DNAJC5: variants seen among roughly 807,000 people sequenced by gnomAD.
DNAJC5 encodes the protein DnaJ heat shock protein family (Hsp40) member C5.
A neutral mutation model predicts 23.2 loss-of-function variants in DNAJC5; 1 was observed. The observed-to-expected ratio is 0.04, with a 90% CI of 0.02 to 0.20. DNAJC5 has a LOEUF of 0.20. Ranked by LOEUF, DNAJC5 falls within the 10% of genes least tolerant of loss-of-function variation. DNAJC5 has a pLI of 1.00. For missense variants in DNAJC5, 180 were observed against 267.0 expected, an observed-to-expected ratio of 0.67 and a Z score of 2.27; for synonymous variants, 136 against 120.0, an observed-to-expected ratio of 1.13 and a Z score of -0.87.
chr20:63,907,567 C>T (rs1326530623), intron 1 of DNAJC5, among the ~76,000 whole-genome samples: 4 of 152,160 alleles, frequency 2.6e-5, no homozygotes, highest in Admixed American at 6.6e-5. Flanking sequence ...TACCCTCCCA[C>T]CCCCTGACCA....
At chr20:63,908,645 C>T (rs2053462428) in intron 1 of DNAJC5, among the ~76,000 whole-genome samples, 1 of 152,154 alleles carries the variant, frequency 6.6e-6, no homozygotes, top group African/African-American at 2.4e-5. Flanking sequence ...TTATTATATC[C>T]AGATAAAGTT....
intron 1 of DNAJC5, among the ~76,000 whole-genome samples, chr20:63,925,984 C>T (rs1185524748): frequency 6.6e-6 from 1 of 152,000 alleles, no homozygotes; most frequent in Non-Finnish European, 1.5e-5. Flanking sequence ...CCTGCCACCA[C>T]TTCCGGCTAA....
In DNAJC5 at chr20:63,931,704, G is replaced by A. The variant is rs572104922; in HGVS notation, c.*136G>A. The A allele has an allele frequency of 4.7e-6, 4 of 849,764 alleles. No individual in the cohort carries two copies. The highest frequency in any genetic ancestry group is 1.4e-5 in the South Asian group (1 of 69,732). 52.6% of individuals were successfully genotyped at this position (849,764 alleles called of 1,614,324 possible). On this transcript the variant is annotated 3_prime_UTR_variant, in exon 5 of 5. Transcript: ENST00000360864. The surrounding 1 kb of genome is among the most constrained non-coding windows in gnomAD (Gnocchi z 9.6). ...TTGCTGGGGCCCCTCCTGCCTCCAC[G>A]CCCACCCAGCGTCGACCCTTGACCC...
rs190107451 is a variant in DNAJC5, at chr20:63,929,042, G to A, written c.108-270G>A. 1.3e-5 allele frequency among the ~76,000 whole-genome samples: 2 copies of A among 152,364 alleles called. No individual in the cohort carries two copies. Among genetic ancestry groups the A allele is most frequent in the African/African-American group, 2.4e-5 (1 of 41,592 alleles). On this transcript the variant is annotated intron_variant, in intron 2 of 4. Transcript: ENST00000360864. The surrounding 1 kb of genome is among the most constrained non-coding windows in gnomAD (Gnocchi z 8.6). ...GGCTGGGACACCAGGGCTGGCCTTG[G>A]TGCCGCTGAACTTAGATGTGCCGTG...
rs2053683931 is a variant in DNAJC5, at chr20:63,932,741, C to G, written c.*1173C>G. 1 of 151,346 alleles carries G rather than the reference C, an allele frequency of 6.6e-6. No homozygotes were observed. The highest frequency in any genetic ancestry group is 1.5e-5 in the Non-Finnish European group (1 of 68,060). 9.4% of individuals were successfully genotyped at this position (151,346 alleles called of 1,614,324 possible). On this transcript the variant is annotated 3_prime_UTR_variant, in exon 5 of 5. Coordinates refer to ENST00000360864, the MANE Select transcript of DNAJC5 (RefSeq NM_025219.3). The surrounding 1 kb of genome is among the most constrained non-coding windows in gnomAD (Gnocchi z 4.4). ...CCTCTGGCTCAGGAGGGTTGGGTCC[C>G]TGGGAGGCCGGCAGCCAGGCCACAG...
At chr20:63,897,037 G>A (rs2053380124) in intron 1 of DNAJC5, among the ~76,000 whole-genome samples, 1 of 152,290 alleles carries the variant, frequency 6.6e-6, no homozygotes, top group South Asian at 2.1e-4. Flanking sequence ...GGGTGCATGG[G>A]ACCCTTGTAA....
intron 1 of DNAJC5, among the ~76,000 whole-genome samples, chr20:63,922,351 C>T (rs757239717): frequency 2.0e-5 from 3 of 151,704 alleles, no homozygotes; most frequent in South Asian, 2.1e-4. Context: ...TAATCCCAGC[C>T]ACTTGGCAGG....
chr20:63,912,092 C>G (rs1001514520), intron 1 of DNAJC5, among the ~76,000 whole-genome samples: 1 of 152,046 alleles, frequency 6.6e-6, no homozygotes. Flanking sequence ...CACTTGAGGC[C>G]GGGAGTTTGA....
intron 1 of DNAJC5, among the ~76,000 whole-genome samples, chr20:63,923,560 A>C (rs141361106): frequency 6.6e-6 from 1 of 152,260 alleles, no homozygotes; most frequent in East Asian, 1.9e-4. Flanking sequence ...TCCTGACTCT[A>C]TAAAAATTTT....
At chr20:63,918,553 C>T (rs1019185611) in intron 1 of DNAJC5, among the ~76,000 whole-genome samples, 2 of 152,152 alleles carry the variant, frequency 1.3e-5, no homozygotes, top group East Asian at 1.9e-4. Flanking sequence ...AAATTAGAGA[C>T]GGGATCATGG....
At chr20:63,913,107 A>ATCTCCCTGTCTGCACTGCCTCTCCATGTG (rs1568979494) in intron 1 of DNAJC5, among the ~76,000 whole-genome samples, 1 of 82,188 alleles carries the variant, frequency 1.2e-5, no homozygotes. Flanking sequence ...TGTCTCTCCC[A>ATCTCCCTGTCTGCACTGCCTCTCCATGTG]GAGGTGTTTG....
chr20:63,906,258 G>A (rs1047693146), intron 1 of DNAJC5, among the ~76,000 whole-genome samples: 2 of 151,974 alleles, frequency 1.3e-5, no homozygotes, highest in African/African-American at 2.4e-5. Flanking sequence ...AGGCCAAGAC[G>A]GGTGGATCAC....
intron 1 of DNAJC5, among the ~76,000 whole-genome samples, chr20:63,903,399 C>G (rs2053427253): frequency 1.3e-5 from 2 of 152,178 alleles, no homozygotes; most frequent in Non-Finnish European, 2.9e-5. Flanking sequence ...CCTCCGCCTC[C>G]TGGGTTCAAG....
intron 1 of DNAJC5, among the ~76,000 whole-genome samples, chr20:63,917,704 C>T (rs1475229084): frequency 5.9e-5 from 9 of 152,022 alleles, no homozygotes; most frequent in Admixed American, 3.3e-4. Flanking sequence ...TACAGGCATG[C>T]GCCATCACAC....
intron 1 of DNAJC5, among the ~76,000 whole-genome samples, chr20:63,908,406 C>G (rs939035018): frequency 2.0e-5 from 3 of 152,188 alleles, no homozygotes; most frequent in African/African-American, 7.2e-5. Flanking sequence ...TGTGGCGGAT[C>G]CACTCTCTGT....
chr20:63,926,582 C>T (rs914983373), intron 1 of DNAJC5, among the ~76,000 whole-genome samples: 13 of 152,224 alleles, frequency 8.5e-5, no homozygotes, highest in African/African-American at 2.9e-4. Context: ...ATTATGGAGA[C>T]GGAATCTCAT....
chr20:63,916,852 G>A (rs534752316), intron 1 of DNAJC5, among the ~76,000 whole-genome samples: 23 of 152,270 alleles, frequency 1.5e-4, no homozygotes, highest in African/African-American at 5.1e-4. Context: ...TTGCACGTCC[G>A]CTTATAGGCT....
At chr20:63,918,797 T>C (rs2053536871) in intron 1 of DNAJC5, among the ~76,000 whole-genome samples, 2 of 152,206 alleles carry the variant, frequency 1.3e-5, no homozygotes, top group African/African-American at 4.8e-5. Flanking sequence ...GGTTTCACTG[T>C]GTTAGCCAGG....
chr20:63,927,225 A>C (rs1012056321), intron 1 of DNAJC5, among the ~76,000 whole-genome samples: 1 of 151,874 alleles, frequency 6.6e-6, no homozygotes, highest in Non-Finnish European at 1.5e-5. Flanking sequence ...ATGTAGAAAC[A>C]ATGTGTATTT....
Sources: allele counts gnomAD v4.1 joint callset (sites outside exome capture counted in the v4.1 genomes callset), GRCh38; gene constraint gnomAD v4.1.1; non-coding constraint Gnocchi (gnomAD v3.1); transcripts MANE v1.5; gene names NCBI Gene and HGNC (gene_info 2026-07-23, HGNC 2026-07-21).